Variants in PLEKHD1 observed in about 807,000 individuals in gnomAD.
PLEKHD1 encodes pleckstrin homology and coiled-coil domain containing D1, also known as pleckstrin homology domain-containing family D member 1.
A neutral mutation model predicts 69.2 loss-of-function variants in PLEKHD1; 51 were observed. The observed-to-expected ratio is 0.74, with a 90% CI of 0.59 to 0.93. PLEKHD1 has a LOEUF of 0.93. Ranked by LOEUF, PLEKHD1 falls within the 40% of genes least tolerant of loss-of-function variation. The probability of loss-of-function intolerance (pLI) is 0.00; values close to 1 mark genes in which losing one functional copy is unlikely to be tolerated. For missense variants in PLEKHD1, 584 were observed against 641.0 expected (o/e 0.91, Z 0.96); for synonymous variants, 236 against 244.7 (o/e 0.96, Z 0.33).
Position 69,531,452 on chromosome 14 carries a change from T to C in PLEKHD1, c.*3033T>C, listed in dbSNP as rs1454416039. Reference sequence around the variant, plus strand: ...ATCTCTATATCAAAATACGTAGGAGTGGAAATTACTTAGTGGAGATATGTT... The same window carrying C: ...ATCTCTATATCAAAATACGTAGGAGCGGAAATTACTTAGTGGAGATATGTT... On this transcript the variant is annotated 3_prime_UTR_variant, in exon 13 of 13. Transcript: ENST00000322564. The C allele has an allele frequency of 2.0e-5, 3 of 152,332 alleles. No homozygotes were observed. The highest frequency in any genetic ancestry group is 7.2e-5 in the African/African-American group (3 of 41,580). 9.4% of individuals were successfully genotyped at this position (152,332 alleles called of 1,614,324 possible).
the PLEKHD1 span, among the ~76,000 whole-genome samples, chr14:69,475,356 A>G: frequency 6.6e-6 from 1 of 152,046 alleles, no homozygotes. Flanking sequence ...GAATACCTTC[A>G]GGGTGTCTGC....
intron 6 of PLEKHD1, among the ~76,000 whole-genome samples, chr14:69,508,342 G>C (rs545937922): frequency 6.6e-6 from 1 of 151,428 alleles, no homozygotes; most frequent in Non-Finnish European, 1.5e-5. Context: ...GGAGGCAGAG[G>C]TTACAGTGAG....
intron 6 of PLEKHD1, chr14:69,503,599 G>C (rs1002567324): frequency 4.6e-5 from 7 of 150,694 alleles, no homozygotes; most frequent in African/African-American, 1.5e-4. Context: ...GCTGAGGCAG[G>C]AGAATGGCGT....
At chr14:69,480,091 GCAGA>G (rs1176042989), upstream of PLEKHD1, among the ~76,000 whole-genome samples, 17 of 152,336 alleles carry the variant, frequency 1.1e-4, no homozygotes, top group African/African-American at 4.1e-4. Flanking sequence ...TCCAAACAAG[GCAGA>G]CAGACGTGTG....
chr14:69,520,911 C>T (rs1352644236), intron 6 of PLEKHD1, among the ~76,000 whole-genome samples: 1 of 152,158 alleles, frequency 6.6e-6, no homozygotes, highest in Non-Finnish European at 1.5e-5. Context: ...GCTAGTCCCA[C>T]GGACCCACTC....
intron 1 of PLEKHD1, among the ~76,000 whole-genome samples, chr14:69,493,687 G>A (rs896773749): frequency 1.3e-5 from 2 of 152,142 alleles, no homozygotes; most frequent in East Asian, 1.9e-4. Flanking sequence ...TTCTTAACTC[G>A]GCTCTCCCTG....
At chr14:69,469,148 T>C in the PLEKHD1 span, among the ~76,000 whole-genome samples, 1 of 152,152 alleles carries the variant, frequency 6.6e-6, no homozygotes, top group African/African-American at 2.4e-5. Flanking sequence ...TTCCTTCCTT[T>C]CTTGCATAAG....
chr14:69,500,531 C>T (rs753074668), intron 2 of PLEKHD1, 46 bp from the exon 3 acceptor site: 2 of 1,490,752 alleles, frequency 1.3e-6, no homozygotes, highest in Middle Eastern at 1.8e-4. Context: ...CCCTGAGTGA[C>T]CCCAGTTGGG....
chr14:69,531,389 C>T lies in PLEKHD1; in HGVS notation c.*2970C>T, dbSNP rs1466850948. On this transcript the variant is annotated 3_prime_UTR_variant, in exon 13 of 13. Coordinates refer to ENST00000322564, the MANE Select transcript of PLEKHD1 (RefSeq NM_001161498.2). Reference sequence around the variant, plus strand: ...CATAAGTGTTTATTCGTTAAAAGCTCACTATGTACCTAGCACTGTAAATAG... The same window carrying T: ...CATAAGTGTTTATTCGTTAAAAGCTTACTATGTACCTAGCACTGTAAATAG... 1 of 152,228 alleles carries T rather than the reference C, an allele frequency of 6.6e-6. No homozygotes were observed. Among genetic ancestry groups the T allele is most frequent in the Non-Finnish European group, 1.5e-5 (1 of 68,042 alleles). The allele number at this position is 152,228 out of a possible 1,614,324, so 9.4% of individuals were successfully genotyped here. A position where few individuals can be genotyped will look rare whatever the true frequency, so the allele number is the denominator to read the frequency against.
At chr14:69,481,861 C>T (rs529667503), upstream of PLEKHD1, among the ~76,000 whole-genome samples, 6 of 152,276 alleles carry the variant, frequency 3.9e-5, no homozygotes, top group South Asian at 2.1e-4. Context: ...CAAGATTGGG[C>T]GGCCCTGACC....
In PLEKHD1 at chr14:69,522,300, C is replaced by G; in HGVS notation, c.573C>G (p.Asn191Lys). Residue 191 changes from asparagine to lysine, a missense_variant, in exon 7 of 13, where the codon AAC becomes AAG. By Grantham distance (94) the Asn-to-Lys change is moderately conservative. Transcript: ENST00000322564. The part of the protein sequence containing the change: ...REQREELERL[N>K]QVLEAEKQQF... ...CTCTTCAGGAGCTTGAGCGCCTTAA[C>G]CAGGTGCTGGAGGCCGAGAAGCAGC... The G allele has an allele frequency of 1.3e-6, 2 of 1,551,480 alleles. No individual in the cohort carries two copies. Among genetic ancestry groups the G allele is most frequent in the Non-Finnish European group, 1.7e-6 (2 of 1,146,886 alleles).
chr14:69,482,489 G>A (rs1238330132), upstream of PLEKHD1, among the ~76,000 whole-genome samples: 1 of 152,218 alleles, frequency 6.6e-6, no homozygotes, highest in Non-Finnish European at 1.5e-5. Context: ...GAAGCTGTTG[G>A]ATGAGAATGC....
intron 1 of PLEKHD1, among the ~76,000 whole-genome samples, chr14:69,492,410 C>A (rs1316273606): frequency 6.6e-6 from 1 of 152,222 alleles, no homozygotes; most frequent in Admixed American, 6.5e-5. Flanking sequence ...TATAAACTTA[C>A]AATGTTGCAA....
chr14:69,500,441 C>A, intron 2 of PLEKHD1, 136 bp from the exon 3 acceptor site: 1 of 742,060 alleles, frequency 1.3e-6, no homozygotes, highest in Non-Finnish European at 2.2e-6. Context: ...CAGTTCTGGC[C>A]TCTGTCCCAT....
chr14:69,495,189 T>C (rs1882860721), intron 1 of PLEKHD1, among the ~76,000 whole-genome samples: 1 of 152,156 alleles, frequency 6.6e-6, no homozygotes, highest in African/African-American at 2.4e-5. Flanking sequence ...GAAGAAGGGA[T>C]ATGACATTAG....
intron 1 of PLEKHD1, among the ~76,000 whole-genome samples, chr14:69,495,644 G>T (rs1176713464): frequency 6.6e-6 from 1 of 152,194 alleles, no homozygotes; most frequent in African/African-American, 2.4e-5. Context: ...TGGCCATAGA[G>T]CCCTATGCAA....
chr14:69,524,150 A>T, intron 7 of PLEKHD1, 79 bp from the exon 8 acceptor site: 1 of 1,199,134 alleles, frequency 8.3e-7, no homozygotes. Context: ...AGTGAAGCAA[A>T]AGCATTTCTA....
At chr14:69,527,741 G>C (rs1003588049) in intron 11 of PLEKHD1, 42 bp from the exon 12 acceptor site, 1 of 1,547,268 alleles carries the variant, frequency 6.5e-7, no homozygotes, top group Non-Finnish European at 8.7e-7. Flanking sequence ...TGGGGGTAAG[G>C]ATGCAGTCGG....
At chr14:69,508,448 G>T (rs61982436) in intron 6 of PLEKHD1, among the ~76,000 whole-genome samples, 13,056 of 152,006 alleles carry the variant, frequency 0.086, 879 homozygotes, top group African/African-American at 0.19. Flanking sequence ...TTGAGTCAGG[G>T]TCCCACACTG....
Sources: allele counts gnomAD v4.1 joint callset (sites outside exome capture counted in the v4.1 genomes callset), GRCh38; gene constraint gnomAD v4.1.1; transcripts MANE v1.5; gene names NCBI Gene and HGNC (gene_info 2026-07-23, HGNC 2026-07-21).